The following SCRT2 variants were observed in gnomAD, a reference collection of about 807,000 sequenced individuals.
The protein encoded by SCRT2 is scratch family transcriptional repressor 2.
SCRT2 carries 2 observed loss-of-function variants against 3.7 expected under a neutral mutation model. The observed-to-expected ratio is 0.54, with a 90% CI of 0.22 to 1.70. The LOEUF (loss-of-function observed/expected upper bound fraction) is 1.70. SCRT2 is among the 40% of genes most tolerant of loss of function. The pLI, the probability that SCRT2 is intolerant of heterozygous loss-of-function variation, is 0.19. For synonymous variants in SCRT2, 256 were observed against 220.6 expected, an observed-to-expected ratio of 1.16 and a Z score of -1.42; for missense variants, 456 against 468.5, an observed-to-expected ratio of 0.97 and a Z score of 0.25.
Position 664,329 on chromosome 20 carries a change from G to T in SCRT2, c.266C>A (p.Ser89Ter). 1.3e-6 allele frequency: 2 copies of T among 1,502,452 alleles called. No individual in the cohort carries two copies. The allele number at this position is 1,502,452 out of a possible 1,614,324, so 93.1% of individuals were successfully genotyped here. A position where few individuals can be genotyped will look rare whatever the true frequency, so the allele number is the denominator to read the frequency against. The change falls in exon 2 of 2, where the codon TCG (serine) becomes TAG (stop). Residue 89 changes from serine to a stop codon, truncating the protein, a stop_gained. Coordinates refer to ENST00000246104, the MANE Select transcript of SCRT2 (RefSeq NM_033129.4). LOFTEE classifies it low-confidence loss of function (END_TRUNC). The surrounding 1 kb of genome is among the most constrained non-coding windows in gnomAD (Gnocchi z 7.9). ...EEYSDPESPQ[S>*]SLSARYFRGE... Reference sequence around the variant, plus strand: ...TCGGAAGTAGCGCGCCGACAGGCTCGACTGCGGGCTTTCGGGGTCGCTGTA... The same window carrying T: ...TCGGAAGTAGCGCGCCGACAGGCTCTACTGCGGGCTTTCGGGGTCGCTGTA...
intron 1 of SCRT2, among the ~76,000 whole-genome samples, chr20:674,393 TCTCTCTCA>T (rs1984444358): frequency 1.0e-5 from 1 of 98,558 alleles, no homozygotes; most frequent in African/African-American, 3.6e-5. Flanking sequence ...TCTCTCTCTC[TCTCTCTCA>T]CACACACACA....
In SCRT2 at chr20:665,828, C is replaced by T. The variant is rs1984137655; in HGVS notation, c.134-1367G>A. ...ACCTTCTCCTGGTGACCCCTGAGAC[C>T]TGTAACCACTCCTCCTTCCCTCCTC... is the stretch of plus-strand genomic sequence containing the variant. On this transcript the variant is annotated intron_variant, in intron 1 of 1. Transcript: ENST00000246104. The surrounding 1 kb of genome is among the most constrained non-coding windows in gnomAD (Gnocchi z 5.0). 6.6e-6 allele frequency among the ~76,000 whole-genome samples: 1 copy of T among 152,186 alleles called. No homozygotes were observed. The highest frequency in any genetic ancestry group is 2.4e-5 in the African/African-American group (1 of 41,444).
intron 1 of SCRT2, among the ~76,000 whole-genome samples, chr20:672,207 C>A (rs1984355144): frequency 6.6e-6 from 1 of 152,128 alleles, no homozygotes; most frequent in South Asian, 2.1e-4. Context: ...GATCTATTCC[C>A]ACTTATCAGG....
At chr20:671,101 C>T (rs1471541361) in intron 1 of SCRT2, among the ~76,000 whole-genome samples, 1 of 152,198 alleles carries the variant, frequency 6.6e-6, no homozygotes, top group East Asian at 1.9e-4. Flanking sequence ...TGGACAATGA[C>T]CTTGGACTGG....
chr20:671,513 G>T (rs1984329670), intron 1 of SCRT2, among the ~76,000 whole-genome samples: 1 of 152,224 alleles, frequency 6.6e-6, no homozygotes, highest in Non-Finnish European at 1.5e-5. Context: ...CCAAAAGACT[G>T]GGGAAGCCCT....
At position 663,298 on chromosome 20, in the gene SCRT2, A is replaced by C; in HGVS notation, c.*373T>G. On this transcript the variant is annotated 3_prime_UTR_variant, in exon 2 of 2. Coordinates refer to ENST00000246104, the MANE Select transcript of SCRT2 (RefSeq NM_033129.4). The surrounding 1 kb of genome is among the most constrained non-coding windows in gnomAD (Gnocchi z 6.9). ...AATGGTCAGAGAGATTCAGCTGAGA[A>C]GCGAGAGAAAAGATCTAGAAGTTAG... The C allele has an allele frequency of 4.4e-6, 1 of 225,624 alleles. No homozygotes were observed. Among genetic ancestry groups the C allele is most frequent in the Non-Finnish European group, 8.6e-6 (1 of 115,720 alleles). The allele number at this position is 225,624 out of a possible 1,614,324, so 14.0% of individuals were successfully genotyped here. A position where few individuals can be genotyped will look rare whatever the true frequency, so the allele number is the denominator to read the frequency against.
At chr20:674,701 G>C (rs1236531165) in intron 1 of SCRT2, among the ~76,000 whole-genome samples, 2 of 92,556 alleles carry the variant, frequency 2.2e-5, no homozygotes, top group African/African-American at 9.0e-5. Context: ...GTGTGTGTGT[G>C]TGTGTGTGTG....
intron 1 of SCRT2, among the ~76,000 whole-genome samples, chr20:671,780 T>C (rs918519393): frequency 6.6e-6 from 1 of 152,134 alleles, no homozygotes; most frequent in South Asian, 2.1e-4. Flanking sequence ...GGATTGGCAT[T>C]GATCCCTCAT....
chr20:674,688 A>AGTGTGTGTGTGTGT (rs759385819), intron 1 of SCRT2, among the ~76,000 whole-genome samples: 2 of 129,348 alleles, frequency 1.5e-5, no homozygotes, highest in African/African-American at 3.0e-5. Flanking sequence ...GAAGAGATGG[A>AGTGTGTGTGTGTGT]GTGTGTGTGT....
At position 675,630 on chromosome 20, in the gene SCRT2, G is replaced by T; in HGVS notation, c.-29C>A. 7.9e-7 allele frequency: 1 copy of T among 1,262,062 alleles called. No individual in the cohort carries two copies. Among genetic ancestry groups the T allele is most frequent in the Non-Finnish European group, 1.0e-6 (1 of 996,298 alleles). 78.2% of individuals were successfully genotyped at this position (1,262,062 alleles called of 1,614,324 possible). A position where few individuals can be genotyped will look rare whatever the true frequency, so the allele number is the denominator to read the frequency against. On this transcript the variant is annotated 5_prime_UTR_variant, in exon 1 of 2. Coordinates refer to ENST00000246104, the MANE Select transcript of SCRT2 (RefSeq NM_033129.4). The surrounding 1 kb of genome is among the most constrained non-coding windows in gnomAD (Gnocchi z 6.9). ...GCGGCCGGCGCGGGGCTCGGTGCGGGGAGGCGGCCGGCCGGGCGCGATCGG... is the reference window on the plus strand; with the variant it reads ...GCGGCCGGCGCGGGGCTCGGTGCGGTGAGGCGGCCGGCCGGGCGCGATCGG...
chr20:672,432 C>CGT (rs1270906486), intron 1 of SCRT2, among the ~76,000 whole-genome samples: 58 of 149,158 alleles, frequency 3.9e-4, no homozygotes, highest in African/African-American at 1.4e-3. Flanking sequence ...TGCGCGCGTG[C>CGT]GTGTGTGTGT....
Position 663,746 on chromosome 20 carries a change from G to A in SCRT2, c.849C>T (p.Leu283=), listed in dbSNP as rs1429630977. 1.3e-6 allele frequency: 2 copies of A among 1,570,368 alleles called. No individual in the cohort carries two copies. The highest frequency in any genetic ancestry group is 2.7e-5 in the African/African-American group (2 of 74,208). Residue 283 remains leucine (L), a synonymous_variant, in exon 2 of 2, where the codon CTC becomes CTT. Transcript: ENST00000246104. The surrounding 1 kb of genome is among the most constrained non-coding windows in gnomAD (Gnocchi z 6.9). The part of the protein sequence containing the change: ...CDKSFALKSY[L]HKHCEAACAK... ...CGCAGGCCGCCTCGCAGTGCTTGTGGAGGTAGGACTTGAGCGCGAAGCTCT... is the reference window on the plus strand; with the variant it reads ...CGCAGGCCGCCTCGCAGTGCTTGTGAAGGTAGGACTTGAGCGCGAAGCTCT...
Position 667,995 on chromosome 20 carries a change from C to T in SCRT2, c.134-3534G>A, listed in dbSNP as rs752668816. 2.6e-5 allele frequency among the ~76,000 whole-genome samples: 4 copies of T among 152,182 alleles called. No individual in the cohort carries two copies. The highest frequency in any genetic ancestry group is 4.4e-5 in the Non-Finnish European group (3 of 68,034). ...ACTCCCAGCTCCTCCAATTCCACCC[C>T]GTTTTCCTCAGATTCACAGACATCT... On this transcript the variant is annotated intron_variant, in intron 1 of 1. Coordinates refer to ENST00000246104, the MANE Select transcript of SCRT2 (RefSeq NM_033129.4). The surrounding 1 kb of genome is among the most constrained non-coding windows in gnomAD (Gnocchi z 4.4).
At chr20:669,356 A>G (rs1362762731) in intron 1 of SCRT2, among the ~76,000 whole-genome samples, 3 of 152,198 alleles carry the variant, frequency 2.0e-5, no homozygotes, top group Admixed American at 2.0e-4. Flanking sequence ...GCCCAGACAA[A>G]GGCCTTGACC....
Position 662,633 on chromosome 20 carries a change from A to G in SCRT2, c.*1038T>C, listed in dbSNP as rs1184434068. 6.6e-6 allele frequency: 1 copy of G among 152,474 alleles called. No homozygotes were observed. Among genetic ancestry groups the G allele is most frequent in the Non-Finnish European group, 1.5e-5 (1 of 68,050 alleles). 9.4% of individuals were successfully genotyped at this position (152,474 alleles called of 1,614,324 possible). On this transcript the variant is annotated 3_prime_UTR_variant, in exon 2 of 2. Coordinates refer to ENST00000246104, the MANE Select transcript of SCRT2 (RefSeq NM_033129.4). Reference sequence around the variant, plus strand: ...AGAGATTAAATAGAATAATAAATAGATAAATAAATAAATACACAAATAAAT... The same window carrying G: ...AGAGATTAAATAGAATAATAAATAGGTAAATAAATAAATACACAAATAAAT...
chr20:670,220 C>T (rs1255648092), intron 1 of SCRT2, among the ~76,000 whole-genome samples: 2 of 152,198 alleles, frequency 1.3e-5, no homozygotes, highest in African/African-American at 4.8e-5. Context: ...GTAGAGTTGC[C>T]TCCTGCTCCC....
chr20:672,745 C>CCCTCCCTCCCTTGCTTCT (rs1250091014), intron 1 of SCRT2, among the ~76,000 whole-genome samples: 1 of 126,332 alleles, frequency 7.9e-6, no homozygotes, highest in South Asian at 2.9e-4. Flanking sequence ...CTCTCTCCTT[C>CCCTCCCTCCCTTGCTTCT]CCTCCCTCCC....
chr20:674,713 GTGTGTGTGTGTGTGTGTGTA>G (rs772521822), intron 1 of SCRT2, among the ~76,000 whole-genome samples: 21,410 of 110,164 alleles, frequency 0.19, 1,676 homozygotes, highest in Admixed American at 0.24. Flanking sequence ...GTGTGTGTGT[GTGTGTGTGTGTGTGTGTGTA>G]TGTGTAGTGA....
rs1382942456 is a variant in SCRT2, at chr20:663,515, G to C, written c.*156C>G. On this transcript the variant is annotated 3_prime_UTR_variant, in exon 2 of 2. Transcript: ENST00000246104. This position sits in a 1 kb window ranked among gnomAD's most constrained non-coding sequence, Gnocchi z 6.9. ...GTGGAAGTGAGTCGTGGGTTTGGGG[G>C]TTGGGGAGAAAAGTTCCGGGCCGGG... 6.6e-6 allele frequency: 4 copies of C among 603,442 alleles called. No homozygotes were observed. Among genetic ancestry groups the C allele is most frequent in the Non-Finnish European group, 9.8e-6 (4 of 409,580 alleles). 37.4% of individuals were successfully genotyped at this position (603,442 alleles called of 1,614,324 possible).
Sources: gnomAD v4.1 joint callset for allele counts (sites outside exome capture counted in the v4.1 genomes callset) on GRCh38, gnomAD v4.1.1 for gene constraint, Gnocchi (gnomAD v3.1) non-coding constraint, MANE v1.5 for transcripts, NCBI Gene and HGNC (gene_info 2026-07-23, HGNC 2026-07-21) for gene names.